The following CNTN3 variants were observed in gnomAD, a reference collection of about 807,000 sequenced individuals.
CNTN3 encodes contactin 3, also known as contactin-3.
Under a neutral mutation model 119.1 loss-of-function variants are expected in CNTN3, and 60 were observed. The observed-to-expected ratio is 0.50, with a 90% CI of 0.41 to 0.62. The LOEUF (loss-of-function observed/expected upper bound fraction) is 0.62, where lower values mean the gene tolerates loss of function less well. CNTN3 is among the 20% of genes least tolerant of loss of function. The probability of loss-of-function intolerance (pLI) is 0.00; values close to 1 mark genes in which losing one functional copy is unlikely to be tolerated. For missense variants in CNTN3, 1,101 were observed against 1,242.4 expected, an observed-to-expected ratio of 0.89 and a Z score of 1.71; for synonymous variants, 450 against 438.7, an observed-to-expected ratio of 1.03 and a Z score of -0.32.
intron 1 of CNTN3, among the ~76,000 whole-genome samples, chr3:74,536,614 C>T (rs933849550): frequency 2.6e-5 from 4 of 152,078 alleles, no homozygotes; most frequent in African/African-American, 9.7e-5. Flanking sequence ...AATAAATATG[C>T]TCCTGGAATG....
intron 1 of CNTN3, among the ~76,000 whole-genome samples, chr3:74,570,393 A>G (rs1327861952): frequency 1.3e-5 from 2 of 152,056 alleles, no homozygotes; most frequent in Non-Finnish European, 1.5e-5. Flanking sequence ...TATTCTGTTC[A>G]TGTAGAGAAT....
Position 74,345,899 on chromosome 3 carries a change from A to G in CNTN3, c.1365-9241T>C, listed in dbSNP as rs1250967504. On this transcript the variant is annotated intron_variant, in intron 11 of 22. Transcript: ENST00000263665. Reference sequence around the variant, plus strand: ...ACTAACTTCATACATTCATTCCACAAATATTTATTAACATGGACCTTGCTC... The same window carrying G: ...ACTAACTTCATACATTCATTCCACAGATATTTATTAACATGGACCTTGCTC... Among the ~76,000 whole-genome samples the G allele has an allele frequency of 2.0e-5, 3 of 152,242 alleles. No homozygotes were observed. In the East Asian group the frequency reaches 5.8e-4, roughly 29 times the overall value.
At chr3:74,328,003 A>T (rs1703171651) in intron 13 of CNTN3, among the ~76,000 whole-genome samples, 1 of 151,768 alleles carries the variant, frequency 6.6e-6, no homozygotes, top group Non-Finnish European at 1.5e-5. Flanking sequence ...TTGATATTAT[A>T]TGAATTTTAT....
intron 5 of CNTN3, among the ~76,000 whole-genome samples, chr3:74,398,686 C>T (rs1301231589): frequency 6.6e-6 from 1 of 152,040 alleles, no homozygotes; most frequent in African/African-American, 2.4e-5. Context: ...AAACAGTGTT[C>T]TAAAATAATT....
chr3:74,325,959 C>T (rs914518259), intron 13 of CNTN3, among the ~76,000 whole-genome samples: 3 of 152,088 alleles, frequency 2.0e-5, no homozygotes, highest in Middle Eastern at 6.3e-3. Flanking sequence ...ATTAACTATT[C>T]TTATCCCTAC....
intron 5 of CNTN3, among the ~76,000 whole-genome samples, chr3:74,391,032 A>C (rs1176808209): frequency 6.6e-6 from 1 of 152,216 alleles, no homozygotes; most frequent in African/African-American, 2.4e-5. Flanking sequence ...AATTAAACAC[A>C]TAATAGCTTG....
chr3:74,365,924 A>T (rs953740405), intron 8 of CNTN3, among the ~76,000 whole-genome samples: 2 of 152,074 alleles, frequency 1.3e-5, no homozygotes, highest in African/African-American at 4.8e-5. Context: ...GCAATCTGTT[A>T]TTTCCTAAGG....
intron 11 of CNTN3, among the ~76,000 whole-genome samples, chr3:74,339,672 T>A (rs2106720974): frequency 6.6e-6 from 1 of 152,242 alleles, no homozygotes; most frequent in South Asian, 2.1e-4. Flanking sequence ...ACTAAATTTT[T>A]AGACCCTTGA....
rs1315533892 is a variant in CNTN3 at position 74,364,718 on chromosome 3, T to G, written c.1084-122A>C. ...ATTTTTCTGAGAGTATTAGACAGGA[T>G]GGCCTGAAATTTAACCTTTTCCTTA... On this transcript the variant is annotated intron_variant, in intron 9 of 22. Coordinates refer to ENST00000263665, the MANE Select transcript of CNTN3 (RefSeq NM_020872.3). The G allele has an allele frequency of 2.1e-5, 15 of 731,264 alleles. No individual in the cohort carries two copies. In the African/African-American group the frequency reaches 2.7e-4, roughly 13 times the overall value. The allele number at this position is 731,264 out of a possible 1,614,324, so 45.3% of individuals were successfully genotyped here. A position where few individuals can be genotyped will look rare whatever the true frequency, so the allele number is the denominator to read the frequency against.
At chr3:74,436,171 G>C (rs972689807) in intron 4 of CNTN3, among the ~76,000 whole-genome samples, 6 of 152,164 alleles carry the variant, frequency 3.9e-5, no homozygotes, top group Admixed American at 3.9e-4. Flanking sequence ...CTAACTCTTT[G>C]CTTATGCTCT....
intron 13 of CNTN3, among the ~76,000 whole-genome samples, chr3:74,312,390 A>G (rs571619711): frequency 7.3e-6 from 1 of 136,196 alleles, no homozygotes; most frequent in South Asian, 2.5e-4. Context: ...CGGGAGGCGG[A>G]GCTTGCAGTG....
chr3:74,512,993 T>G (rs1420135487), intron 2 of CNTN3, among the ~76,000 whole-genome samples: 1 of 152,120 alleles, frequency 6.6e-6, no homozygotes, highest in East Asian at 1.9e-4. Context: ...GAAGAAGTCA[T>G]GCAAGGTATT....
rs184052703 is a variant in CNTN3 at position 74,601,661 on chromosome 3, T to A, written c.-81+12730A>T. Among the ~76,000 whole-genome samples the A allele has an allele frequency of 3.8e-3, 582 of 152,198 alleles. 2 individuals are homozygous for A. Among genetic ancestry groups the A allele is most frequent in the South Asian group, 0.023 (110 of 4,828 alleles). On this transcript the variant is annotated intron_variant, in intron 1 of 22. Transcript: ENST00000263665. ...TTGGCCCAAATTCTTCACCCTTTTT[T>A]GTATTTATGCTTTCGGTCATGTGAC...
intron 11 of CNTN3, among the ~76,000 whole-genome samples, chr3:74,349,467 G>A (rs1703767216): frequency 6.6e-6 from 1 of 152,168 alleles, no homozygotes; most frequent in Non-Finnish European, 1.5e-5. Context: ...AGACATTCCA[G>A]CCAGAGAAAA....
intron 2 of CNTN3, 83 bp downstream of exon 2, chr3:74,520,975 A>T: frequency 1.4e-6 from 1 of 706,448 alleles, no homozygotes; most frequent in Non-Finnish European, 2.2e-6. Flanking sequence ...GTGGAGTTTT[A>T]TTTCAACATC....
intron 1 of CNTN3, among the ~76,000 whole-genome samples, chr3:74,566,035 T>C (rs1489982952): frequency 6.6e-6 from 1 of 152,184 alleles, no homozygotes; most frequent in Non-Finnish European, 1.5e-5. Context: ...CATGCCTTGC[T>C]CTTCTGCTAT....
At chr3:74,462,507 T>C (rs1271299152) in intron 4 of CNTN3, among the ~76,000 whole-genome samples, 1 of 152,046 alleles carries the variant, frequency 6.6e-6, no homozygotes, top group Non-Finnish European at 1.5e-5. Context: ...ATATTCAAAG[T>C]TTTTAATGGC....
chr3:74,455,745 T>C (rs553737328), intron 4 of CNTN3, among the ~76,000 whole-genome samples: 50 of 152,184 alleles, frequency 3.3e-4, no homozygotes, highest in African/African-American at 1.1e-3. Context: ...TGCAGGTCTG[T>C]TGGAGTTTGC....
intron 6 of CNTN3, 39 bp downstream of exon 6, chr3:74,371,157 C>G (rs1223678266): frequency 6.9e-7 from 1 of 1,457,944 alleles, no homozygotes; most frequent in Non-Finnish European, 9.6e-7. Flanking sequence ...GCCTCAGCAC[C>G]ATTTACGCTC....
Sources: allele counts gnomAD v4.1 joint callset (sites outside exome capture counted in the v4.1 genomes callset), GRCh38; gene constraint gnomAD v4.1.1; transcripts MANE v1.5; gene names NCBI Gene and HGNC (gene_info 2026-07-23, HGNC 2026-07-21).